The following DRP2 variants were observed in gnomAD, a reference collection of about 807,000 sequenced individuals.
DRP2 encodes dystrophin-related protein 2.
A neutral mutation model predicts 78.2 loss-of-function variants in DRP2; 29 were observed. That is an observed-to-expected ratio of 0.37 (90% confidence interval 0.28 to 0.51). The LOEUF (loss-of-function observed/expected upper bound fraction) is 0.51, where lower values mean the gene tolerates loss of function less well. Among genes scored for constraint, DRP2 ranks in the 20% least tolerant of loss-of-function variants. DRP2 has a pLI of 0.94. For synonymous variants in DRP2, 290 were observed against 281.9 expected (o/e 1.03, Z -0.29); for missense variants, 686 against 770.6 (o/e 0.89, Z 1.30).
Position 101,248,129 on chromosome X carries a change from T to C in DRP2, c.1293T>C (p.Asn431=). ...TAACCACAGCCCTGGAAATCTTCAA[T>C]GAGCATGATCTGCAGGCCAGTGAGC... ...VTLTTALEIF[N]EHDLQASEHV... is the part of the protein sequence containing the mutation. The change falls in exon 13 of 24, where the codon AAT becomes AAC. Residue 431 remains asparagine, a synonymous_variant. Coordinates refer to ENST00000395209, the MANE Select transcript of DRP2 (RefSeq NM_001939.3). 1 of 1,211,723 alleles carries C rather than the reference T, an allele frequency of 8.3e-7. No individual in the cohort carries two copies. The highest frequency in any genetic ancestry group is 1.1e-6 in the Non-Finnish European group (1 of 895,487).
At position 101,237,780 on chromosome X, in the gene DRP2, G is replaced by C. The variant is rs1246528465; in HGVS notation, c.438+5G>C. ...CAGGAGAAGGAGACACATGCGGTAG[G>C]TTAGAATCAGAGAAGCCGTGGTGTG... On this transcript the variant is annotated splice_donor_5th_base_variant and intron_variant, in intron 5 of 23. Transcript: ENST00000395209. The C allele has an allele frequency of 8.9e-7, 1 of 1,128,113 alleles. No homozygotes were observed. Among genetic ancestry groups the C allele is most frequent in the Non-Finnish European group, 1.2e-6 (1 of 847,132 alleles). The allele number at this position is 1,128,113 out of a possible 1,213,427, so 93.0% of individuals were successfully genotyped here. A position where few individuals can be genotyped will look rare whatever the true frequency, so the allele number is the denominator to read the frequency against.
At chrX:101,237,340 G>C (rs1258595326) in intron 4 of DRP2, among the ~76,000 whole-genome samples, 2 of 111,513 alleles carry the variant, frequency 1.8e-5, no homozygotes, top group Non-Finnish European at 3.8e-5. Context: ...AAGTAACTGA[G>C]ATCCACAAAG....
intron 5 of DRP2, among the ~76,000 whole-genome samples, 161 bp downstream of exon 5, chrX:101,237,936 C>G (rs1922572133): frequency 8.9e-6 from 1 of 111,955 alleles, no homozygotes; most frequent in South Asian, 3.7e-4. Flanking sequence ...CAGCCTAAGT[C>G]AAATATTTTC....
At chrX:101,231,882 T>G in intron 3 of DRP2, 118 bp downstream of exon 3, 1 of 539,057 alleles carries the variant, frequency 1.9e-6, no homozygotes, top group South Asian at 3.0e-5. Flanking sequence ...ATGCAACCCC[T>G]TGGATAGCAT....
chrX:101,259,652 C>T (rs1350760760), intron 22 of DRP2, among the ~76,000 whole-genome samples: 1 of 111,485 alleles, frequency 9.0e-6, no homozygotes, highest in Non-Finnish European at 1.9e-5. Context: ...GCATGGGCCA[C>T]CATGCCCGGC....
chrX:101,228,187 TC>T (rs1385354960), intron 2 of DRP2, among the ~76,000 whole-genome samples: 3 of 111,923 alleles, frequency 2.7e-5, no homozygotes, highest in African/African-American at 9.8e-5. Flanking sequence ...AACGCTTTGA[TC>T]CAGGAATTCT....
In DRP2 at chrX:101,250,123, C is replaced by A. The variant is rs745937146; in HGVS notation, c.1541-300C>A. 1.3e-3 allele frequency among the ~76,000 whole-genome samples: 149 copies of A among 110,988 alleles called. 1 individual carries two copies. Among genetic ancestry groups the A allele is most frequent in the African/African-American group, 4.5e-3 (138 of 30,529 alleles). On this transcript the variant is annotated intron_variant, in intron 14 of 23. Transcript: ENST00000395209. The stretch of plus-strand genomic sequence containing the variant: ...CTGTGTCTGGCACTGCTCTTACACA[C>A]AGTGCACTCGACCTCTCTCTCTCTT...
chrX:101,248,521 A>G lies in DRP2; in HGVS notation c.1462A>G (p.Ser488Gly). 1 of 1,211,775 alleles carries G rather than the reference A, an allele frequency of 8.3e-7. No homozygotes were observed. The highest frequency in any genetic ancestry group is 1.1e-6 in the Non-Finnish European group (1 of 895,353). The part of the protein sequence containing the change: ...WLLNVFDSGR[S>G]GKMRALSFKT... ...TCTTCTTTTTAAACCTAGTGGTCGCAGCGGAAAGATGCGGGCATTGTCTTT... is the reference window on the plus strand; with the variant it reads ...TCTTCTTTTTAAACCTAGTGGTCGCGGCGGAAAGATGCGGGCATTGTCTTT... Residue 488 changes from serine (S) to glycine (G), a missense_variant, in exon 14 of 24, where the codon AGC becomes GGC. By Grantham distance (56) the Ser-to-Gly change is moderately conservative. Coordinates refer to ENST00000395209, the MANE Select transcript of DRP2 (RefSeq NM_001939.3).
intron 15 of DRP2, 47 bp from the exon 16 acceptor site, chrX:101,250,870 G>A (rs376670524): frequency 6.7e-6 from 8 of 1,192,957 alleles, no homozygotes; most frequent in Non-Finnish European, 9.0e-6. Context: ...CTAGGGATAA[G>A]ACACTTTGGG....
rs763029709 is a variant in DRP2, at chrX:101,239,059, C to A, written c.517C>A (p.His173Asn). The change falls in exon 6 of 24, where the codon CAC (histidine) becomes AAC (asparagine). Residue 173 changes from histidine (H) to asparagine (N), a missense_variant. Coordinates refer to ENST00000395209, the MANE Select transcript of DRP2 (RefSeq NM_001939.3). ...LESAQAFLSQ[H>N]PFEELEEPHS... ...GTCAGCTCAGGCCTTCCTGTCCCAGCACCCATTTGAGGAGTTAGAGGAGCC... is the reference window on the plus strand; with the variant it reads ...GTCAGCTCAGGCCTTCCTGTCCCAGAACCCATTTGAGGAGTTAGAGGAGCC... 3.3e-6 allele frequency: 4 copies of A among 1,211,403 alleles called. No individual in the cohort carries two copies. The highest frequency in any genetic ancestry group is 2.2e-5 in the Admixed American group (1 of 46,023).
chrX:101,258,309 G>A lies in DRP2; in HGVS notation c.2391G>A (p.Arg797=). Residue 797 remains arginine (R), a splice_region_variant and synonymous_variant, in exon 22 of 24, where the codon CGG becomes CGA. Coordinates refer to ENST00000395209, the MANE Select transcript of DRP2 (RefSeq NM_001939.3). ...GTCTTGGTGTCTCTCTCCATGGCAG[G>A]ATTCTCCAGGGAGAGCTGAGGCGCC... ...KILAHLEDEN[R]ILQGELRRLK... The A allele has an allele frequency of 1.7e-6, 2 of 1,172,194 alleles. No individual in the cohort carries two copies. Among genetic ancestry groups the A allele is most frequent in the Non-Finnish European group, 1.1e-6 (1 of 874,416 alleles).
chrX:101,258,505 C>T lies in DRP2; in HGVS notation c.2587C>T (p.Leu863=). ...GATCCTCGAAGATCACAACAAGCAGCTAGAGTCCCAGCTGCAGCGTCTGAG... is the reference window on the plus strand; with the variant it reads ...GATCCTCGAAGATCACAACAAGCAGTTAGAGTCCCAGCTGCAGCGTCTGAG... The part of the protein sequence containing the change: ...MQILEDHNKQ[L]ESQLQRLREL... The change falls in exon 22 of 24, where the codon CTA becomes TTA. Residue 863 remains leucine (L), a synonymous_variant. Transcript: ENST00000395209. The T allele has an allele frequency of 1.2e-5, 14 of 1,189,397 alleles. No homozygotes were observed. Among genetic ancestry groups the T allele is most frequent in the Non-Finnish European group, 1.5e-5 (13 of 883,753 alleles).
At chrX:101,233,582 G>A (rs1035693083) in intron 3 of DRP2, among the ~76,000 whole-genome samples, 1 of 112,167 alleles carries the variant, frequency 8.9e-6, no homozygotes, top group African/African-American at 3.2e-5. Flanking sequence ...TGGTAAAAAC[G>A]ATGTGTTTTC....
At chrX:101,238,242 T>C (rs1922581082) in intron 5 of DRP2, among the ~76,000 whole-genome samples, 1 of 111,882 alleles carries the variant, frequency 8.9e-6, no homozygotes, top group African/African-American at 3.3e-5. Flanking sequence ...TTCTGTGATA[T>C]ATATTACTGC....
At chrX:101,249,654 A>G (rs1923060538) in intron 14 of DRP2, among the ~76,000 whole-genome samples, 1 of 111,474 alleles carries the variant, frequency 9.0e-6, no homozygotes, top group Non-Finnish European at 1.9e-5. Flanking sequence ...TGATTCTACA[A>G]CTAGGCAGTA....
chrX:101,229,347 G>A (rs1169196921), intron 2 of DRP2, among the ~76,000 whole-genome samples: 1 of 111,417 alleles, frequency 9.0e-6, no homozygotes, highest in African/African-American at 3.3e-5. Context: ...ATTCTTTGGG[G>A]ATGAGTAGCT....
intron 21 of DRP2, among the ~76,000 whole-genome samples, chrX:101,256,851 G>A (rs142288756): frequency 0.017 from 1,778 of 107,238 alleles, 45 homozygotes; most frequent in African/African-American, 0.058. Flanking sequence ...GAGCCACTGT[G>A]CCTGGCCTGA....
Position 101,258,406 on chromosome X carries a change from C to T in DRP2, c.2488C>T (p.His830Tyr), listed in dbSNP as rs1181276335. 5.0e-6 allele frequency: 6 copies of T among 1,206,929 alleles called. No individual in the cohort carries two copies. Among genetic ancestry groups the T allele is most frequent in the Non-Finnish European group, 6.7e-6 (6 of 893,168 alleles). ...ADGSTEAATD[H>Y]RNEELLAEAR... is the part of the protein sequence containing the mutation. ...CGGCTCCACTGAGGCAGCAACAGAC[C>T]ACCGCAATGAGGAGCTTCTGGCCGA... Residue 830 changes from histidine to tyrosine, a missense_variant, in exon 22 of 24, where the codon CAC (histidine) becomes TAC (tyrosine). His to Tyr is a moderately conservative substitution (Grantham distance 83, BLOSUM62 2). Coordinates refer to ENST00000395209, the MANE Select transcript of DRP2 (RefSeq NM_001939.3).
At position 101,241,722 on chromosome X, in the gene DRP2, C is replaced by A; in HGVS notation, c.614C>A (p.Ala205Glu). Residue 205 changes from alanine (A) to glutamate (E), a missense_variant, in exon 7 of 24, where the codon GCG (alanine) becomes GAG (glutamate). This residue lies in a region of DRP2 where 263 missense variants were observed against 239.1 expected (regional missense o/e 1.10). Coordinates refer to ENST00000395209, the MANE Select transcript of DRP2 (RefSeq NM_001939.3). The part of the protein sequence containing the change: ...QNLSRFVWKQ[A>E]TVASELWEKL... Reference sequence around the variant, plus strand: ...CTCAGCCGCTTTGTATGGAAGCAGGCGACGGTGGCCAGTGAACTGTGGGAG... The same window carrying A: ...CTCAGCCGCTTTGTATGGAAGCAGGAGACGGTGGCCAGTGAACTGTGGGAG... 8.3e-7 allele frequency: 1 copy of A among 1,211,541 alleles called. No homozygotes were observed. The highest frequency in any genetic ancestry group is 1.1e-6 in the Non-Finnish European group (1 of 895,459).
Sources: allele counts gnomAD v4.1 joint callset (sites outside exome capture counted in the v4.1 genomes callset), GRCh38; gene constraint gnomAD v4.1.1; regional missense constraint gnomAD v4.1.1; transcripts MANE v1.5; gene names NCBI Gene and HGNC (gene_info 2026-07-23, HGNC 2026-07-21).